Variants in CELSR1 observed in about 807,000 individuals in gnomAD.
The protein encoded by CELSR1 is cadherin EGF LAG seven-pass G-type receptor 1, also known as adhesion G protein-coupled receptor C1.
In CELSR1, 110 loss-of-function variants were observed where a neutral mutation model predicts 249.1. The observed-to-expected ratio is 0.44, with a 90% CI of 0.38 to 0.52. The LOEUF (loss-of-function observed/expected upper bound fraction) is 0.52, where lower values mean the gene tolerates loss of function less well. Among genes scored for constraint, CELSR1 ranks in the 20% least tolerant of loss-of-function variants. CELSR1 has a pLI of 0.00. For missense variants in CELSR1, 4,109 were observed against 4,296.4 expected (o/e 0.96, Z 1.22); for synonymous variants, 2,113 against 1,900.0 (o/e 1.11, Z -2.92).
chr22:46,463,295 C>G (rs1041642256), intron 2 of CELSR1, among the ~76,000 whole-genome samples: 3 of 152,142 alleles, frequency 2.0e-5, no homozygotes, highest in Admixed American at 6.6e-5. Context: ...GCGGGTGGAT[C>G]ACTTGAAGTC....
chr22:46,480,352 G>A (rs968801796), intron 1 of CELSR1, among the ~76,000 whole-genome samples: 1 of 152,106 alleles, frequency 6.6e-6, no homozygotes, highest in Non-Finnish European at 1.5e-5. Context: ...TTTAAGAAAA[G>A]TACATCCACA....
At chr22:46,392,164 T>C (rs2079100379) in intron 14 of CELSR1, among the ~76,000 whole-genome samples, 2 of 152,258 alleles carry the variant, frequency 1.3e-5, no homozygotes, top group South Asian at 2.1e-4. Context: ...TTTAAAGTTG[T>C]TTTGAAAAAT....
At position 46,409,720 on chromosome 22, in the gene CELSR1, C is replaced by A. The variant is rs201446927; in HGVS notation, c.5059+35G>T. 2,815 of 1,609,010 alleles carry A rather than the reference C, an allele frequency of 1.7e-3. 72 individuals are homozygous for A. The South Asian group carries it at 0.029, about 17-fold the overall frequency. ...CAAGGAGCAATGCCTCCCAGGCCGC[C>A]GTGACCGGGGGGATGGACGACGCCG... On this transcript the variant is annotated intron_variant, in intron 8 of 34. Coordinates refer to ENST00000674500, the MANE Select transcript of CELSR1 (RefSeq NM_001378328.1). This position sits in a 1 kb window ranked among gnomAD's most constrained non-coding sequence, Gnocchi z 9.8.
At chr22:46,523,105 T>C (rs2080702353) in intron 1 of CELSR1, among the ~76,000 whole-genome samples, 2 of 152,398 alleles carry the variant, frequency 1.3e-5, no homozygotes, top group South Asian at 2.1e-4. Context: ...TAACAGGGCA[T>C]GTGATTTTAT....
chr22:46,450,393 C>T (rs16995238), intron 2 of CELSR1, among the ~76,000 whole-genome samples: 5,376 of 152,356 alleles, frequency 0.035, 284 homozygotes, highest in African/African-American at 0.11. Context: ...GCTCCCTGAC[C>T]CTGGGTATCC....
At chr22:46,460,211 A>ACACC (rs1555922665) in intron 2 of CELSR1, among the ~76,000 whole-genome samples, 7,712 of 148,920 alleles carry the variant, frequency 0.052, 257 homozygotes, top group Non-Finnish European at 0.066. Context: ...ACACACACAC[A>ACACC]CACACCCATT....
In CELSR1 at chr22:46,468,573, A is replaced by G. The variant is rs1264104711; in HGVS notation, c.3545-4228T>C. On this transcript the variant is annotated intron_variant, in intron 1 of 34. Transcript: ENST00000674500. This position sits in a 1 kb window ranked among gnomAD's most constrained non-coding sequence, Gnocchi z 4.5. ...GAGGAGTTCGATTCATAGAGGCAGAAAGTAGAATGATGGGTGCCACGGGTG... is the reference window on the plus strand; with the variant it reads ...GAGGAGTTCGATTCATAGAGGCAGAGAGTAGAATGATGGGTGCCACGGGTG... Among the ~76,000 whole-genome samples the G allele has an allele frequency of 6.6e-6, 1 of 152,090 alleles. No individual in the cohort carries two copies.
At chr22:46,458,517 C>G (rs1227654221) in intron 2 of CELSR1, among the ~76,000 whole-genome samples, 4 of 152,176 alleles carry the variant, frequency 2.6e-5, no homozygotes, top group African/African-American at 9.7e-5. Flanking sequence ...AGAGGCTGAA[C>G]GTGGGGCCAA....
Position 46,534,416 on chromosome 22 carries a change from G to A in CELSR1, c.2755C>T (p.Arg919Trp), listed in dbSNP as rs148658812. 998 of 1,612,902 alleles carry A rather than the reference G, an allele frequency of 6.2e-4. 2 individuals carry two copies. The highest frequency in any genetic ancestry group is 1.6e-3 in the African/African-American group (121 of 75,064). The change falls in exon 1 of 35, where the codon CGG becomes TGG. Residue 919 changes from arginine to tryptophan, a missense_variant. Arg to Trp is a moderately radical substitution (Grantham distance 101). Around this residue, in one of 7 missense-constraint regions of CELSR1, gnomAD observed 886 missense variants for 896.5 expected, o/e 0.99. Transcript: ENST00000674500. The surrounding 1 kb of genome is among the most constrained non-coding windows in gnomAD (Gnocchi z 9.7). ...TSILQVSATD[R>W]DSGPNGRLLY... ...AGACGCCCATTGGGACCTGAGTCCC[G>A]GTCCGTGGCAGAGACCTGGAGGATG...
rs2080641328 is a variant in CELSR1, at chr22:46,517,586, C to T, written c.3544+16041G>A. Among the ~76,000 whole-genome samples, 1 of 152,330 alleles carries T rather than the reference C, an allele frequency of 6.6e-6. No homozygotes were observed. The highest frequency in any genetic ancestry group is 2.1e-4 in the South Asian group (1 of 4,826). On this transcript the variant is annotated intron_variant, in intron 1 of 34. Coordinates refer to ENST00000674500, the MANE Select transcript of CELSR1 (RefSeq NM_001378328.1). This position sits in a 1 kb window ranked among gnomAD's most constrained non-coding sequence, Gnocchi z 5.4. ...TGCAGACACGCCGCAAAACACGCCC[C>T]TGAGCTTCCCGTCCTGCACACACAG...
Position 46,535,736 on chromosome 22 carries a change from G to T in CELSR1, c.1435C>A (p.Leu479Met). The T allele has an allele frequency of 6.2e-7, 1 of 1,612,560 alleles. No homozygotes were observed. Among genetic ancestry groups the T allele is most frequent in the Non-Finnish European group, 8.5e-7 (1 of 1,180,006 alleles). Residue 479 changes from leucine (L) to methionine (M), a missense_variant, in exon 1 of 35, where the codon CTG becomes ATG. Leu to Met is a conservative substitution (Grantham distance 15). Around this residue, in one of 7 missense-constraint regions of CELSR1, gnomAD observed 135 missense variants for 190.0 expected, o/e 0.71. Coordinates refer to ENST00000674500, the MANE Select transcript of CELSR1 (RefSeq NM_001378328.1). ...TCCCGGTCCGTGGCCTGCACTCGCAGCACAGCCGTGTTGAGCCCCACGTCC... is the reference window on the plus strand; with the variant it reads ...TCCCGGTCCGTGGCCTGCACTCGCATCACAGCCGTGTTGAGCCCCACGTCC... ...PEDVGLNTAVLRVQATDRDQG... is the reference protein window; with the variant it reads ...PEDVGLNTAVMRVQATDRDQG...
intron 20 of CELSR1, among the ~76,000 whole-genome samples, chr22:46,382,901 G>A (rs545306796): frequency 6.6e-6 from 1 of 152,338 alleles, no homozygotes; most frequent in East Asian, 1.9e-4. Context: ...AGGAGAGTTA[G>A]TGTTTCGTGG....
Position 46,362,995 on chromosome 22 carries a change from A to T in CELSR1, c.*228T>A. The T allele has an allele frequency of 1.2e-6, 1 of 810,988 alleles. No individual in the cohort carries two copies. The highest frequency in any genetic ancestry group is 1.9e-6 in the Non-Finnish European group (1 of 513,978). The allele number at this position is 810,988 out of a possible 1,614,324, so 50.2% of individuals were successfully genotyped here. On this transcript the variant is annotated 3_prime_UTR_variant, in exon 35 of 35. Coordinates refer to ENST00000674500, the MANE Select transcript of CELSR1 (RefSeq NM_001378328.1). ...ATGCCTGTGGCCTTTGGCACTTGTC[A>T]CCAGGTCTGACAGGCCCTGAGCTCC...
At position 46,395,858 on chromosome 22, in the gene CELSR1, C is replaced by A. The variant is rs547324969; in HGVS notation, c.5843+747G>T. Among the ~76,000 whole-genome samples the A allele has an allele frequency of 1.4e-4, 21 of 152,324 alleles. No homozygotes were observed. Among genetic ancestry groups the A allele is most frequent in the African/African-American group, 4.8e-4 (20 of 41,580 alleles). On this transcript the variant is annotated intron_variant, in intron 13 of 34. Transcript: ENST00000674500. The surrounding 1 kb of genome is among the most constrained non-coding windows in gnomAD (Gnocchi z 5.5). The stretch of plus-strand genomic sequence containing the variant: ...CTACGCACCTGTACCCAGCGATCCC[C>A]GTGCAAAGGGTACAGAGCCCAGAGC...
rs577121233 is a variant in CELSR1, at chr22:46,510,541, G to A, written c.3544+23086C>T. On this transcript the variant is annotated intron_variant, in intron 1 of 34. Transcript: ENST00000674500. ...TCGCCATGACAACCCCTGCCAACAG[G>A]AGAGGCGCTGCGGTAAACGCTGGGG... 3.9e-3 allele frequency among the ~76,000 whole-genome samples: 600 copies of A among 152,344 alleles called. 3 individuals carry two copies. Among genetic ancestry groups the A allele is most frequent in the African/African-American group, 0.014 (574 of 41,578 alleles).
Position 46,535,428 on chromosome 22 carries a change from G to C in CELSR1, c.1743C>G (p.Gly581=). 6.2e-7 allele frequency: 1 copy of C among 1,608,068 alleles called. No individual in the cohort carries two copies. Among genetic ancestry groups the C allele is most frequent in the Non-Finnish European group, 8.5e-7 (1 of 1,177,258 alleles). ...QATVLENVPL[G]YPVVHIQAVD... is the part of the protein sequence containing the mutation. ...CCGCCTGAATGTGCACCACGGGGTA[G>C]CCCAGGGGCACATTCTCCAGCACCG... Residue 581 remains glycine (G), a synonymous_variant, in exon 1 of 35, where the codon GGC becomes GGG. Coordinates refer to ENST00000674500, the MANE Select transcript of CELSR1 (RefSeq NM_001378328.1).
rs1158790073 is a variant in CELSR1 at position 46,471,726 on chromosome 22, A to G, written c.3545-7381T>C. Among the ~76,000 whole-genome samples the G allele has an allele frequency of 6.6e-6, 1 of 152,096 alleles. No homozygotes were observed. The highest frequency in any genetic ancestry group is 1.5e-5 in the Non-Finnish European group (1 of 68,006). On this transcript the variant is annotated intron_variant, in intron 1 of 34. Coordinates refer to ENST00000674500, the MANE Select transcript of CELSR1 (RefSeq NM_001378328.1). The surrounding 1 kb of genome is among the most constrained non-coding windows in gnomAD (Gnocchi z 4.9). ...CATTTGTCATAATGAAGGAGCCAGTATTGATAGGTTATTAACTGAAGCCTG... is the reference window on the plus strand; with the variant it reads ...CATTTGTCATAATGAAGGAGCCAGTGTTGATAGGTTATTAACTGAAGCCTG...
intron 1 of CELSR1, among the ~76,000 whole-genome samples, chr22:46,494,663 C>T (rs1311621620): frequency 2.6e-5 from 4 of 152,018 alleles, no homozygotes; most frequent in South Asian, 4.1e-4. Context: ...CATGCCACCA[C>T]GCCTGGCTAA....
intron 1 of CELSR1, among the ~76,000 whole-genome samples, chr22:46,469,325 G>A (rs1484485585): frequency 2.0e-5 from 3 of 152,110 alleles, no homozygotes; most frequent in East Asian, 3.9e-4. Context: ...TCGTGTGACC[G>A]CTCTTCCTGC....
Sources: allele counts gnomAD v4.1 joint callset (sites outside exome capture counted in the v4.1 genomes callset), GRCh38; gene constraint gnomAD v4.1.1; regional missense constraint gnomAD v4.1.1; non-coding constraint Gnocchi (gnomAD v3.1); transcripts MANE v1.5; gene names NCBI Gene and HGNC (gene_info 2026-07-23, HGNC 2026-07-21).